The following CCT4 variants were observed in gnomAD, a reference collection of about 807,000 sequenced individuals.
CCT4 encodes T-complex protein 1 subunit delta.
Under a neutral mutation model 62.5 loss-of-function variants are expected in CCT4, and 17 were observed. The observed-to-expected ratio is 0.27, with a 90% CI of 0.19 to 0.41. The LOEUF is 0.41. CCT4 is among the 10% of genes least tolerant of loss of function. The probability of loss-of-function intolerance (pLI) is 1.00; values close to 1 mark genes in which losing one functional copy is unlikely to be tolerated. For missense variants in CCT4, 592 were observed against 659.2 expected (o/e 0.90, Z 1.12); for synonymous variants, 250 against 229.9 (o/e 1.09, Z -0.79).
chr2:61,881,413 C>T (rs1220407958), intron 3 of CCT4, among the ~76,000 whole-genome samples: 3 of 152,036 alleles, frequency 2.0e-5, no homozygotes, highest in South Asian at 2.1e-4. Context: ...CGAGCCACTG[C>T]GACCAGACTG....
At chr2:61,873,777 G>C (rs1237824804) in intron 8 of CCT4, among the ~76,000 whole-genome samples, 3 of 152,066 alleles carry the variant, frequency 2.0e-5, no homozygotes, top group Admixed American at 6.6e-5. Flanking sequence ...TGTTGGCCAC[G>C]CTGGTCTCGA....
chr2:61,887,152 G>A (rs1258758749), intron 1 of CCT4, among the ~76,000 whole-genome samples: 1 of 152,112 alleles, frequency 6.6e-6, no homozygotes, highest in Admixed American at 6.6e-5. Flanking sequence ...TTCGTTTCCA[G>A]GTGTATTATC....
At position 61,888,459 on chromosome 2, in the gene CCT4, C is replaced by T. The variant is rs1278949487; in HGVS notation, c.49G>A (p.Gly17Ser). The change falls in exon 1 of 14, where the codon GGC (glycine) becomes AGC (serine). Residue 17 changes from glycine to serine, a missense_variant. By Grantham distance (56) the Gly-to-Ser change is moderately conservative. This residue lies in a region of CCT4 where 67 missense variants were observed against 71.1 expected (regional missense o/e 0.94). Transcript: ENST00000394440. Reference protein sequence around the residue: ...PRSGATAGAAGGRGKGAYQDR... With the variant: ...PRSGATAGAASGRGKGAYQDR... ...TGATAGGCGCCTTTCCCGCGGCCGCCGGCAGCCCCGGCAGTCGCCCCGCTC... is the reference window on the plus strand; with the variant it reads ...TGATAGGCGCCTTTCCCGCGGCCGCTGGCAGCCCCGGCAGTCGCCCCGCTC... 3 of 1,611,358 alleles carry T rather than the reference C, an allele frequency of 1.9e-6. No individual in the cohort carries two copies. Among genetic ancestry groups the T allele is most frequent in the African/African-American group, 2.7e-5 (2 of 74,876 alleles).
intron 12 of CCT4, among the ~76,000 whole-genome samples, chr2:61,870,765 C>CA (rs1316394786): frequency 6.6e-6 from 1 of 151,712 alleles, no homozygotes; most frequent in Admixed American, 6.6e-5. Flanking sequence ...CTAAAAAATA[C>CA]AAAAAAATTA....
At chr2:61,883,254 C>T (rs1184031562) in intron 3 of CCT4, among the ~76,000 whole-genome samples, 2 of 152,102 alleles carry the variant, frequency 1.3e-5, no homozygotes, top group Non-Finnish European at 2.9e-5. Context: ...AAACCCGTCT[C>T]TACTGAAAAT....
At chr2:61,883,977 A>T (rs1669179607) in intron 2 of CCT4, among the ~76,000 whole-genome samples, 1 of 152,172 alleles carries the variant, frequency 6.6e-6, no homozygotes, top group Admixed American at 6.5e-5. Context: ...TTGTCCTACA[A>T]AAAGGACAAT....
chr2:61,880,540 G>A (rs1394956692), intron 3 of CCT4, 146 bp from the exon 4 acceptor site: 1 of 600,450 alleles, frequency 1.7e-6, no homozygotes, highest in Non-Finnish European at 2.9e-6. Context: ...TCTACCTTGG[G>A]TTTCATTTAA....
At chr2:61,877,342 T>C (rs1360697996) in intron 6 of CCT4, 51 bp downstream of exon 6, 2 of 1,557,586 alleles carry the variant, frequency 1.3e-6, no homozygotes, top group African/African-American at 2.8e-5. Context: ...TTTTTGGCAA[T>C]CTGATGCTCA....
intron 1 of CCT4, 116 bp downstream of exon 1, chr2:61,888,265 G>C: frequency 2.4e-6 from 3 of 1,260,318 alleles, no homozygotes; most frequent in Non-Finnish European, 3.3e-6. Context: ...CTTCTATAGG[G>C]AGGACAAGAG....
At position 61,868,702 on chromosome 2, in the gene CCT4, T is replaced by C; in HGVS notation, c.1610A>G (p.Asn537Ser). 1 of 1,592,146 alleles carries C rather than the reference T, an allele frequency of 6.3e-7. No individual in the cohort carries two copies. ...AGTCAGTTATCCAGATTATCGAGTGTTTACCTGATAAGAGAAAAACTTAGA... is the reference window on the plus strand; with the variant it reads ...AGTCAGTTATCCAGATTATCGAGTGCTTACCTGATAAGAGAAAAACTTAGA... ...RSILKIDDVVNTR is the reference protein window; with the variant it reads ...RSILKIDDVVSTR Residue 537 changes from asparagine to serine, a missense_variant, in exon 14 of 14, where the codon AAC (asparagine) becomes AGC (serine). Physicochemically the swap from Asn to Ser is conservative, Grantham distance 46 (BLOSUM62 1). Coordinates refer to ENST00000394440, the MANE Select transcript of CCT4 (RefSeq NM_006430.4).
chr2:61,876,039 G>A, intron 8 of CCT4, 56 bp downstream of exon 8: 1 of 1,144,062 alleles, frequency 8.7e-7, no homozygotes, highest in Admixed American at 2.1e-5. Context: ...AAAATAAACT[G>A]CTAGTGGAGA....
intron 1 of CCT4, 181 bp downstream of exon 1, chr2:61,888,200 C>G (rs1429647053): frequency 1.4e-6 from 1 of 713,522 alleles, no homozygotes; most frequent in African/African-American, 1.8e-5. Flanking sequence ...CCTCCATACT[C>G]CGGGTTGGCG....
rs775838719 is a variant in CCT4, at chr2:61,872,446, C to T, written c.1256+12G>A. 14 of 1,600,872 alleles carry T rather than the reference C, an allele frequency of 8.7e-6. No homozygotes were observed. Among genetic ancestry groups the T allele is most frequent in the Non-Finnish European group, 1.2e-5 (14 of 1,171,616 alleles). On this transcript the variant is annotated intron_variant, in intron 11 of 13. Coordinates refer to ENST00000394440, the MANE Select transcript of CCT4 (RefSeq NM_006430.4). ...TTCAAAATGTTACTTAATAATGTAA[C>T]ACTGACATTACCTCTTCTTCACTAA...
chr2:61,882,225 G>A (rs1368492776), intron 3 of CCT4, among the ~76,000 whole-genome samples: 3 of 152,232 alleles, frequency 2.0e-5, no homozygotes, highest in African/African-American at 4.8e-5. Context: ...GAGCCACTGC[G>A]ACCAGACTGA....
chr2:61,872,418 A>C, intron 11 of CCT4, 40 bp downstream of exon 11: 1 of 1,519,672 alleles, frequency 6.6e-7, no homozygotes, highest in African/African-American at 1.4e-5. Flanking sequence ...AATAGTTTTA[A>C]TGTTCAAAAT....
In CCT4 at chr2:61,876,372, A is replaced by C. The variant is rs1669001458; in HGVS notation, c.778-138T>G. 5.4e-6 allele frequency: 3 copies of C among 550,512 alleles called. No individual in the cohort carries two copies. In the East Asian group the frequency reaches 9.3e-5, roughly 17 times the overall value. 34.1% of individuals were successfully genotyped at this position (550,512 alleles called of 1,614,324 possible). ...TAATAAATTATATAGACATGCATAGAAAAGAGTCTGGATTAAGATACACAT... is the reference window on the plus strand; with the variant it reads ...TAATAAATTATATAGACATGCATAGCAAAGAGTCTGGATTAAGATACACAT... On this transcript the variant is annotated intron_variant, in intron 7 of 13. Transcript: ENST00000394440.
intron 1 of CCT4, among the ~76,000 whole-genome samples, chr2:61,886,689 A>G (rs1186184756): frequency 6.6e-6 from 1 of 151,960 alleles, no homozygotes; most frequent in African/African-American, 2.4e-5. Context: ...TTTGTTTCAA[A>G]GGTTGCTAAA....
rs1005959909 is a variant in CCT4, at chr2:61,872,489, G to C, written c.1225C>G (p.Leu409Val). ...TTCACTAAACAACGAATAACACATA[G>C]GGCATCATGAATGGAGCGCTCAGCT... ...EEAERSIHDALCVIRCLVKKR... is the reference protein window; with the variant it reads ...EEAERSIHDAVCVIRCLVKKR... The change falls in exon 11 of 14, where the codon CTA becomes GTA. Residue 409 changes from leucine to valine, a missense_variant. Transcript: ENST00000394440. 6.2e-7 allele frequency: 1 copy of C among 1,613,700 alleles called. No individual in the cohort carries two copies. Among genetic ancestry groups the C allele is most frequent in the Admixed American group, 1.7e-5 (1 of 60,006 alleles).
At chr2:61,887,068 T>C (rs1210794418) in intron 1 of CCT4, among the ~76,000 whole-genome samples, 1 of 152,140 alleles carries the variant, frequency 6.6e-6, no homozygotes, top group Non-Finnish European at 1.5e-5. Context: ...CCAAAATTTA[T>C]CTTTCAACAT....
Sources: gnomAD v4.1 joint callset for allele counts (sites outside exome capture counted in the v4.1 genomes callset) on GRCh38, gnomAD v4.1.1 for gene constraint, gnomAD v4.1.1 regional missense constraint, MANE v1.5 for transcripts, NCBI Gene and HGNC (gene_info 2026-07-23, HGNC 2026-07-21) for gene names.